The following GLIS3 variants were observed in gnomAD, a reference collection of about 807,000 sequenced individuals.
The protein encoded by GLIS3 is GLIS family zinc finger 3, also known as zinc finger protein GLIS3.
In GLIS3, 53 loss-of-function variants were observed where a neutral mutation model predicts 78.6. That is an observed-to-expected ratio of 0.67 (90% CI 0.54 to 0.85). The LOEUF (loss-of-function observed/expected upper bound fraction) is 0.85. Among genes scored for constraint, GLIS3 ranks in the 40% least tolerant of loss-of-function variants. The pLI is 0.00. For synonymous variants in GLIS3, 684 were observed against 509.9 expected, an observed-to-expected ratio of 1.34 and a Z score of -4.60; for missense variants, 1,703 against 1,231.1, an observed-to-expected ratio of 1.38 and a Z score of -5.74.
the GLIS3 span, among the ~76,000 whole-genome samples, chr9:4,484,396 C>A: frequency 1.4e-5 from 2 of 142,760 alleles, no homozygotes; most frequent in African/African-American, 5.2e-5. Context: ...TGCTACCATG[C>A]CAGGCTAATT....
intron 2 of GLIS3, among the ~76,000 whole-genome samples, chr9:4,338,914 G>T (rs1185103920): frequency 6.6e-6 from 1 of 152,088 alleles, no homozygotes; most frequent in East Asian, 1.9e-4. Flanking sequence ...CCATTTTGAA[G>T]CTAAGATTGA....
intron 6 of GLIS3, among the ~76,000 whole-genome samples, chr9:3,907,077 G>C (rs1196601526): frequency 6.6e-6 from 1 of 152,150 alleles, no homozygotes; most frequent in Non-Finnish European, 1.5e-5. Flanking sequence ...ACACTCCCCT[G>C]ACCAGACCAG....
chr9:4,054,894 T>G (rs548197468), intron 4 of GLIS3, among the ~76,000 whole-genome samples: 1 of 152,246 alleles, frequency 6.6e-6, no homozygotes, highest in East Asian at 1.9e-4. Context: ...TTCCATTTGT[T>G]AAAAGGAAGA....
At chr9:4,292,459 T>A (rs554603400) in intron 1 of GLIS3, among the ~76,000 whole-genome samples, 7 of 152,190 alleles carry the variant, frequency 4.6e-5, no homozygotes, top group Non-Finnish European at 1.0e-4. Flanking sequence ...ACTATTTGTC[T>A]ACCCAAGTAC....
chr9:4,438,344 A>G, the GLIS3 span, among the ~76,000 whole-genome samples: 1 of 152,244 alleles, frequency 6.6e-6, no homozygotes, highest in African/African-American at 2.4e-5. Context: ...AAAATGTTTT[A>G]GTAATGAAGT....
intron 2 of GLIS3, among the ~76,000 whole-genome samples, chr9:4,127,371 T>TAG (rs888420324): frequency 2.6e-5 from 4 of 152,174 alleles, no homozygotes; most frequent in Non-Finnish European, 5.9e-5. Flanking sequence ...CAAAAGAAAT[T>TAG]TCTCTGATTT....
At chr9:4,196,435 C>G (rs1382586172) in intron 2 of GLIS3, among the ~76,000 whole-genome samples, 1 of 152,210 alleles carries the variant, frequency 6.6e-6, no homozygotes, top group Non-Finnish European at 1.5e-5. Context: ...TTCTTTCGCT[C>G]TTTGCGATAA....
intron 4 of GLIS3, among the ~76,000 whole-genome samples, chr9:4,110,661 A>C (rs576634437): frequency 1.1e-4 from 16 of 152,184 alleles, no homozygotes; most frequent in Non-Finnish European, 2.4e-4. Flanking sequence ...AAGCAGACGT[A>C]AAATCAAGCC....
chr9:3,993,872 C>T (rs1820526525), intron 4 of GLIS3, among the ~76,000 whole-genome samples: 2 of 152,084 alleles, frequency 1.3e-5, no homozygotes, highest in Non-Finnish European at 2.9e-5. Context: ...TGCAGTGCTA[C>T]ATTTTAAAAG....
the GLIS3 span, among the ~76,000 whole-genome samples, chr9:4,373,802 G>C: frequency 6.6e-6 from 1 of 151,582 alleles, no homozygotes; most frequent in South Asian, 2.1e-4. Flanking sequence ...CGAGTAGCTG[G>C]GATTACAGAT....
In GLIS3 at chr9:3,928,151, G is replaced by A. The variant is rs76696189; in HGVS notation, c.1983+4209C>T. Among the ~76,000 whole-genome samples, 237 of 152,318 alleles carry A rather than the reference G, an allele frequency of 1.6e-3. 1 individual carries two copies. Among genetic ancestry groups the A allele is most frequent in the African/African-American group, 5.5e-3 (228 of 41,574 alleles). On this transcript the variant is annotated intron_variant, in intron 6 of 10. Transcript: ENST00000381971. ...CATCCCCGTAACAGCATCACTCTCC[G>A]TCACGTGCATTCTAATATAGTTTCT... is the stretch of plus-strand genomic sequence containing the variant.
At chr9:4,353,419 A>C in the GLIS3 span, among the ~76,000 whole-genome samples, 1 of 152,234 alleles carries the variant, frequency 6.6e-6, no homozygotes, top group African/African-American at 2.4e-5. Flanking sequence ...CGAGCAGCAA[A>C]ACTACTCAAG....
At chr9:4,384,461 G>A in the GLIS3 span, among the ~76,000 whole-genome samples, 2 of 151,804 alleles carry the variant, frequency 1.3e-5, no homozygotes, top group African/African-American at 4.8e-5. Context: ...TTTGCCAATG[G>A]CATTGAAATT....
At chr9:4,181,424 C>T (rs567988850) in intron 2 of GLIS3, among the ~76,000 whole-genome samples, 3 of 152,254 alleles carry the variant, frequency 2.0e-5, no homozygotes, top group Admixed American at 6.5e-5. Context: ...AATGACTGTG[C>T]TCCATGGCAT....
At chr9:4,389,653 A>C in the GLIS3 span, among the ~76,000 whole-genome samples, 1 of 152,186 alleles carries the variant, frequency 6.6e-6, no homozygotes, top group Non-Finnish European at 1.5e-5. Context: ...CTTCTGCCCA[A>C]GACAATCACA....
intron 2 of GLIS3, among the ~76,000 whole-genome samples, chr9:4,172,359 G>A (rs567499600): frequency 1.2e-4 from 18 of 152,210 alleles, no homozygotes; most frequent in African/African-American, 2.4e-4. Flanking sequence ...CCACTCCACC[G>A]AAGTCACTAG....
At chr9:4,073,290 G>A (rs140313108) in intron 4 of GLIS3, among the ~76,000 whole-genome samples, 12 of 152,282 alleles carry the variant, frequency 7.9e-5, no homozygotes, top group Non-Finnish European at 1.6e-4. Context: ...CAAGTAGTGC[G>A]TCTCAAACCT....
Position 4,020,987 on chromosome 9 carries a change from T to C in GLIS3, c.1711-83798A>G, listed in dbSNP as rs114936622. Among the ~76,000 whole-genome samples, 497 of 152,222 alleles carry C rather than the reference T, an allele frequency of 3.3e-3. 5 individuals are homozygous for C. The highest frequency in any genetic ancestry group is 0.011 in the African/African-American group (476 of 41,522). On this transcript the variant is annotated intron_variant, in intron 4 of 10. Transcript: ENST00000381971. Reference sequence around the variant, plus strand: ...TAGAGAAAGTAGTCGGTCTTAGGGATTGAAAAAGACACAGTTCAGATGCAG... The same window carrying C: ...TAGAGAAAGTAGTCGGTCTTAGGGACTGAAAAAGACACAGTTCAGATGCAG...
At chr9:3,900,621 A>AATTGATT (rs1823223445) in intron 6 of GLIS3, among the ~76,000 whole-genome samples, 2 of 152,220 alleles carry the variant, frequency 1.3e-5, no homozygotes, top group South Asian at 4.1e-4. Context: ...AATTTGATGG[A>AATTGATT]CTATTATGCA....
Sources: allele counts gnomAD v4.1 joint callset (sites outside exome capture counted in the v4.1 genomes callset), GRCh38; gene constraint gnomAD v4.1.1; transcripts MANE v1.5; gene names NCBI Gene and HGNC (gene_info 2026-07-23, HGNC 2026-07-21).